The following FHL5 variants were observed in gnomAD, a reference collection of about 807,000 sequenced individuals.
The protein encoded by FHL5 is four and a half LIM domains 5.
A neutral mutation model predicts 32.0 loss-of-function variants in FHL5; 33 were observed. That is an observed-to-expected ratio of 1.03 (90% CI 0.78 to 1.38). FHL5 has a LOEUF of 1.38. Ranked by LOEUF, FHL5 falls within the 40% of genes most tolerant of loss-of-function variation. FHL5 has a pLI of 0.00. For synonymous variants in FHL5, 114 were observed against 113.6 expected, an observed-to-expected ratio of 1.00 and a Z score of -0.02; for missense variants, 336 against 343.9, an observed-to-expected ratio of 0.98 and a Z score of 0.18.
chr6:96,615,167 T>C (rs753319997), intron 5 of FHL5, among the ~76,000 whole-genome samples: 2 of 152,212 alleles, frequency 1.3e-5, no homozygotes, highest in Non-Finnish European at 2.9e-5. Context: ...GAAGCATACA[T>C]TTATTTCCTT....
intron 1 of FHL5, among the ~76,000 whole-genome samples, chr6:96,594,614 C>G (rs756858390): frequency 4.6e-5 from 7 of 151,956 alleles, no homozygotes; most frequent in Non-Finnish European, 1.0e-4. Context: ...ACTTTTGGAT[C>G]ATCTTTGGAA....
At position 96,603,584 on chromosome 6, in the gene FHL5, T is replaced by G. The variant is rs200380628; in HGVS notation, c.-12-18T>G. Reference sequence around the variant, plus strand: ...AAAATTCTGCTTTTATATACATTAATCACTTTGTCATTCATAGGATCAAAC... The same window carrying G: ...AAAATTCTGCTTTTATATACATTAAGCACTTTGTCATTCATAGGATCAAAC... On this transcript the variant is annotated intron_variant, in intron 1 of 5. Transcript: ENST00000450218. 1.3e-6 allele frequency: 2 copies of G among 1,589,968 alleles called. No individual in the cohort carries two copies. Among genetic ancestry groups the G allele is most frequent in the Non-Finnish European group, 1.7e-6 (2 of 1,165,060 alleles).
chr6:96,580,165 T>C (rs2127962511), intron 1 of FHL5, among the ~76,000 whole-genome samples: 1 of 152,270 alleles, frequency 6.6e-6, no homozygotes, highest in African/African-American at 2.4e-5. Context: ...TAATGATGTC[T>C]CCCAAAAGAA....
chr6:96,582,263 G>T (rs566515663), intron 1 of FHL5, among the ~76,000 whole-genome samples: 3 of 152,032 alleles, frequency 2.0e-5, no homozygotes, highest in Non-Finnish European at 4.4e-5. Flanking sequence ...AGAAGGTTGG[G>T]CTCTGGTTAG....
chr6:96,568,181 T>C (rs1259483398), intron 1 of FHL5, among the ~76,000 whole-genome samples: 4 of 151,912 alleles, frequency 2.6e-5, no homozygotes, highest in Non-Finnish European at 5.9e-5. Context: ...ATTTTTATCA[T>C]GAGGGGATGT....
At chr6:96,593,106 C>T (rs1374663310) in intron 1 of FHL5, among the ~76,000 whole-genome samples, 1 of 151,926 alleles carries the variant, frequency 6.6e-6, no homozygotes, top group Non-Finnish European at 1.5e-5. Context: ...TCATTTCATA[C>T]AATCTTTTCT....
intron 1 of FHL5, among the ~76,000 whole-genome samples, chr6:96,584,313 G>C (rs757175100): frequency 6.6e-6 from 1 of 152,128 alleles, no homozygotes; most frequent in Non-Finnish European, 1.5e-5. Context: ...GGTAGATGGG[G>C]AGCAAAGAGA....
Position 96,602,426 on chromosome 6 carries a change from C to CTT in FHL5, c.-12-1139_-12-1138dup, listed in dbSNP as rs1168636713. Among the ~76,000 whole-genome samples, 112 of 33,698 alleles carry CTT rather than the reference C, an allele frequency of 3.3e-3. 40 individuals are homozygous for CTT. The highest frequency in any genetic ancestry group is 4.8e-3 in the Non-Finnish European group (74 of 15,320). The allele number at this position is 33,698 out of a possible 152,430, so 22.1% of individuals were successfully genotyped here. ...ACCTGGAAATCTATATGCGTTGTTT[C>CTT]TTTTTTTTTTTTTTTTTTTTTTTTT... On this transcript the variant is annotated intron_variant, in intron 1 of 5. Coordinates refer to ENST00000450218, the MANE Select transcript of FHL5 (RefSeq NM_001322466.2).
rs1408181568 is a variant in FHL5 at position 96,604,744 on chromosome 6, T to C, written c.160-6T>C. The C allele has an allele frequency of 5.6e-6, 9 of 1,601,346 alleles. No homozygotes were observed. Among genetic ancestry groups the C allele is most frequent in the Non-Finnish European group, 7.7e-6 (9 of 1,174,608 alleles). ...ATTTAATTAACTTTTATTTACTGTC[T>C]CAAAGGATCTTTGTTACAAAGACCG... On this transcript the variant is annotated splice_region_variant and splice_polypyrimidine_tract_variant and intron_variant, in intron 2 of 5. Transcript: ENST00000450218.
At position 96,565,750 on chromosome 6, in the gene FHL5, C is replaced by T. The variant is rs73492734; in HGVS notation, c.-13+2395C>T. 6.6e-3 allele frequency among the ~76,000 whole-genome samples: 999 copies of T among 152,108 alleles called. 10 individuals carry two copies. Among genetic ancestry groups the T allele is most frequent in the African/African-American group, 0.023 (965 of 41,514 alleles). ...AAATATGCTTCTTGGGCTTGTTCTCCAGCTTGATTTTGTTTAACTATCTCT... is the reference window on the plus strand; with the variant it reads ...AAATATGCTTCTTGGGCTTGTTCTCTAGCTTGATTTTGTTTAACTATCTCT... On this transcript the variant is annotated intron_variant, in intron 1 of 5. Transcript: ENST00000450218.
At chr6:96,609,699 A>T (rs1771356239) in intron 4 of FHL5, among the ~76,000 whole-genome samples, 1 of 152,202 alleles carries the variant, frequency 6.6e-6, no homozygotes, top group Non-Finnish European at 1.5e-5. Flanking sequence ...TTTGGCATTT[A>T]TTCATTCATT....
chr6:96,601,311 G>A (rs188908412), intron 1 of FHL5, among the ~76,000 whole-genome samples: 1,655 of 152,286 alleles, frequency 0.011, 30 homozygotes, highest in African/African-American at 0.031. Context: ...TCCAGCCTGG[G>A]CAATAGAGCA....
intron 1 of FHL5, among the ~76,000 whole-genome samples, chr6:96,580,900 C>T (rs796749621): frequency 9.2e-5 from 14 of 152,226 alleles, no homozygotes; most frequent in African/African-American, 3.1e-4. Context: ...TTTGTATTGG[C>T]CACCTTCCAA....
intron 1 of FHL5, among the ~76,000 whole-genome samples, chr6:96,573,366 A>G (rs758975728): frequency 2.0e-5 from 3 of 151,938 alleles, no homozygotes; most frequent in Non-Finnish European, 2.9e-5. Flanking sequence ...CCTTAGATTC[A>G]TGGGTATAAT....
intron 1 of FHL5, among the ~76,000 whole-genome samples, chr6:96,574,975 A>G (rs1460153494): frequency 6.6e-6 from 1 of 152,228 alleles, no homozygotes; most frequent in African/African-American, 2.4e-5. Context: ...ATAGGTGACA[A>G]GTTAAATTTT....
intron 1 of FHL5, among the ~76,000 whole-genome samples, chr6:96,602,575 TAGCTGGG>T (rs1011109076): frequency 2.0e-4 from 30 of 151,582 alleles, no homozygotes; most frequent in Non-Finnish European, 1.5e-4. Flanking sequence ...GCCTCCCGAG[TAGCTGGG>T]ACTACAGGCT....
intron 4 of FHL5, among the ~76,000 whole-genome samples, chr6:96,606,434 C>T (rs1261467673): frequency 6.6e-6 from 1 of 152,156 alleles, no homozygotes; most frequent in Non-Finnish European, 1.5e-5. Flanking sequence ...TCACTGCAAC[C>T]TCTGCCTTCC....
intron 1 of FHL5, among the ~76,000 whole-genome samples, chr6:96,573,678 C>T (rs1464305544): frequency 6.6e-6 from 1 of 151,510 alleles, no homozygotes; most frequent in Non-Finnish European, 1.5e-5. Flanking sequence ...CCCGCCAACA[C>T]GCCCAGCTAA....
intron 1 of FHL5, among the ~76,000 whole-genome samples, chr6:96,581,854 T>C (rs1770702990): frequency 6.6e-6 from 1 of 152,146 alleles, no homozygotes; most frequent in Non-Finnish European, 1.5e-5. Context: ...CCAAGGAGCA[T>C]GAAGAGGTGG....
Sources: allele counts gnomAD v4.1 joint callset (sites outside exome capture counted in the v4.1 genomes callset), GRCh38; gene constraint gnomAD v4.1.1; transcripts MANE v1.5; gene names NCBI Gene and HGNC (gene_info 2026-07-23, HGNC 2026-07-21).